The following GBX2 variants were observed in gnomAD, a reference collection of about 807,000 sequenced individuals.
GBX2 encodes gastrulation brain homeobox 2, also known as homeobox protein GBX-2.
In GBX2, 5 loss-of-function variants were observed where a neutral mutation model predicts 22.4. The observed-to-expected ratio is 0.22, with a 90% confidence interval of 0.12 to 0.47. The LOEUF is 0.47. GBX2 is among the 20% of genes least tolerant of loss of function. GBX2 has a pLI of 0.99. For synonymous variants in GBX2, 220 were observed against 230.5 expected (o/e 0.95, Z 0.41); for missense variants, 470 against 495.4 (o/e 0.95, Z 0.49).
downstream of GBX2, among the ~76,000 whole-genome samples, chr2:236,164,242 G>T (rs2060225667): frequency 6.6e-6 from 1 of 152,096 alleles, no homozygotes; most frequent in African/African-American, 2.4e-5. Flanking sequence ...AGGGCCGAGC[G>T]CCGCTGCATC....
downstream of GBX2, among the ~76,000 whole-genome samples, chr2:236,164,136 G>C (rs1489099656): frequency 6.6e-6 from 1 of 152,166 alleles, no homozygotes; most frequent in Non-Finnish European, 1.5e-5. Flanking sequence ...CTCCGCCGTG[G>C]GGAGGTGACG....
At chr2:236,164,252 C>G (rs970444048), downstream of GBX2, among the ~76,000 whole-genome samples, 1 of 152,120 alleles carries the variant, frequency 6.6e-6, no homozygotes, top group Non-Finnish European at 1.5e-5. Context: ...GCCGCTGCAT[C>G]GCAGCGGCTC....
At position 236,167,585 on chromosome 2, in the gene GBX2, C is replaced by G. The variant is rs768662937; in HGVS notation, c.387G>C (p.Pro129=). Residue 129 remains proline (P), a synonymous_variant, in exon 1 of 2, where the codon CCG becomes CCC. Transcript: ENST00000306318. ...QEAAAARKFA[P]QPLPGGGNFD... ...AGTTACCGCCGCCGGGCAGCGGCTG[C>G]GGCGCGAACTTGCGGGCCGCTGCCG... 6.1e-5 allele frequency: 97 copies of G among 1,596,396 alleles called. 1 individual carries two copies. In the South Asian group the frequency reaches 9.3e-4, roughly 15 times the overall value.
chr2:236,167,139 C>T (rs1424627985), intron 1 of GBX2: 1 of 1,535,566 alleles, frequency 6.5e-7, no homozygotes, highest in Non-Finnish European at 8.7e-7. Flanking sequence ...GCAACCTACC[C>T]GGAACCCCAG....
rs2060241690 is a variant in GBX2, at chr2:236,166,784, T to A, written c.524-347A>T. Among the ~76,000 whole-genome samples, 1 of 151,830 alleles carries A rather than the reference T, an allele frequency of 6.6e-6. No individual in the cohort carries two copies. ...GAGATTGCCCGCTTTGTCCCTGGGG[T>A]GGGGACTGGTTGAGGACTGATGGGG... On this transcript the variant is annotated intron_variant, in intron 1 of 1. Coordinates refer to ENST00000306318, the MANE Select transcript of GBX2 (RefSeq NM_001485.4). This position sits in a 1 kb window ranked among gnomAD's most constrained non-coding sequence, Gnocchi z 6.6.
rs372760556 is a variant in GBX2, at chr2:236,166,214, C to T, written c.747G>A (p.Arg249=). Residue 249 remains arginine (R), a synonymous_variant, in exon 2 of 2, where the codon CGG becomes CGA. Coordinates refer to ENST00000306318, the MANE Select transcript of GBX2 (RefSeq NM_001485.4). The surrounding 1 kb of genome is among the most constrained non-coding windows in gnomAD (Gnocchi z 6.6). Reference sequence around the variant, plus strand: ...GCTCGCTGGTGAAGGCAGTCCGCCGCCGCCGGTTCTTGCCCGTAGACGTGG... The same window carrying T: ...GCTCGCTGGTGAAGGCAGTCCGCCGTCGCCGGTTCTTGCCCGTAGACGTGG... ...GSTTSTGKNR[R]RRTAFTSEQL... is the part of the protein sequence containing the mutation. The T allele has an allele frequency of 8.1e-6, 13 of 1,613,656 alleles. No homozygotes were observed. In the African/African-American group the frequency reaches 1.6e-4, roughly 20 times the overall value.
chr2:236,166,573 T>C lies in GBX2; in HGVS notation c.524-136A>G. 3 of 754,782 alleles carry C rather than the reference T, an allele frequency of 4.0e-6. 1 individual carries two copies. The highest frequency in any genetic ancestry group is 3.5e-5 in the South Asian group (2 of 57,756). 46.8% of individuals were successfully genotyped at this position (754,782 alleles called of 1,614,324 possible). ...ATTGTCTTTCTATGACATTAACACATTGTGATTTCCTGGCCTTTGAGGGGT... is the reference window on the plus strand; with the variant it reads ...ATTGTCTTTCTATGACATTAACACACTGTGATTTCCTGGCCTTTGAGGGGT... On this transcript the variant is annotated intron_variant, in intron 1 of 1. Transcript: ENST00000306318. The surrounding 1 kb of genome is among the most constrained non-coding windows in gnomAD (Gnocchi z 6.6).
chr2:236,167,728 G>T lies in GBX2; in HGVS notation c.244C>A (p.Gln82Lys). 6.5e-7 allele frequency: 1 copy of T among 1,532,634 alleles called. No individual in the cohort carries two copies. The highest frequency in any genetic ancestry group is 1.2e-5 in the South Asian group (1 of 80,990). 94.9% of individuals were successfully genotyped at this position (1,532,634 alleles called of 1,614,324 possible). A position where few individuals can be genotyped will look rare whatever the true frequency, so the allele number is the denominator to read the frequency against. Residue 82 changes from glutamine (Q) to lysine (K), a missense_variant, in exon 1 of 2, where the codon CAG (glutamine) becomes AAG (lysine). Gln to Lys is a moderately conservative substitution (Grantham distance 53). This residue lies in a region of GBX2 where 377 missense variants were observed against 358.6 expected (regional missense o/e 1.05). Coordinates refer to ENST00000306318, the MANE Select transcript of GBX2 (RefSeq NM_001485.4). ...AAGCCTGTGGGCAGGCTGGGGATCT[G>T]GTGGTGAGGGTGTGCGGGCGGCAGC... ...PALPPAHPHH[Q>K]IPSLPTGFCS... is the part of the protein sequence containing the mutation.
At position 236,165,955 on chromosome 2, in the gene GBX2, T is replaced by C. The variant is rs2060236481; in HGVS notation, c.1006A>G (p.Ile336Val). The change falls in exon 2 of 2, where the codon ATC becomes GTC. Residue 336 changes from isoleucine to valine, a missense_variant. Transcript: ENST00000306318. Reference protein sequence around the residue: ...PIPVHVSRFAIRSQHQQLEQA... With the variant: ...PIPVHVSRFAVRSQHQQLEQA... ...TCTAGCTGCTGATGCTGACTTCTGA[T>C]AGCGAACCTGCTGACGTGGACAGGG... The C allele has an allele frequency of 1.9e-6, 3 of 1,614,000 alleles. No individual in the cohort carries two copies. The highest frequency in any genetic ancestry group is 2.5e-6 in the Non-Finnish European group (3 of 1,180,014).
chr2:236,167,423 C>A (rs748228085), intron 1 of GBX2, 26 bp downstream of exon 1: 34 of 1,482,724 alleles, frequency 2.3e-5, no homozygotes, highest in Non-Finnish European at 2.9e-5. Context: ...GCCCCCTCGT[C>A]CCGGCTGCGC....
Position 236,167,773 on chromosome 2 carries a change from G to T in GBX2, c.199C>A (p.Gln67Lys). ...PPPPPPPALP[Q>K]AALQPALPPA... ...GGCAGCGCTGGCTGCAGCGCGGCCTGGGGCAGCGCGGGCGGCGGCGGCGGC... is the reference window on the plus strand; with the variant it reads ...GGCAGCGCTGGCTGCAGCGCGGCCTTGGGCAGCGCGGGCGGCGGCGGCGGC... Residue 67 changes from glutamine (Q) to lysine (K), a missense_variant, in exon 1 of 2, where the codon CAG becomes AAG. Gln to Lys is a moderately conservative substitution (Grantham distance 53, BLOSUM62 1). This residue lies in a region of GBX2 where 377 missense variants were observed against 358.6 expected (regional missense o/e 1.05). Coordinates refer to ENST00000306318, the MANE Select transcript of GBX2 (RefSeq NM_001485.4). 7.0e-7 allele frequency: 1 copy of T among 1,422,920 alleles called. No individual in the cohort carries two copies. Among genetic ancestry groups the T allele is most frequent in the South Asian group, 1.6e-5 (1 of 61,106 alleles). The allele number at this position is 1,422,920 out of a possible 1,614,324, so 88.1% of individuals were successfully genotyped here.
downstream of GBX2, among the ~76,000 whole-genome samples, chr2:236,162,659 C>G (rs1474139910): frequency 6.6e-6 from 1 of 152,160 alleles, no homozygotes; most frequent in Admixed American, 6.5e-5. Context: ...CTGCCTGGGT[C>G]GGTGGCTGCG....
rs1230661012 is a variant in GBX2 at position 236,166,551 on chromosome 2, G to A, written c.524-114C>T. The A allele has an allele frequency of 3.2e-6, 3 of 933,750 alleles. No individual in the cohort carries two copies. The African/African-American group carries it at 4.9e-5, about 15-fold the overall frequency. 57.8% of individuals were successfully genotyped at this position (933,750 alleles called of 1,614,324 possible). A position where few individuals can be genotyped will look rare whatever the true frequency, so the allele number is the denominator to read the frequency against. On this transcript the variant is annotated intron_variant, in intron 1 of 1. Transcript: ENST00000306318. This position sits in a 1 kb window ranked among gnomAD's most constrained non-coding sequence, Gnocchi z 6.6. ...CCCGCCCCCCACCCTTTAGCGGATT[G>A]TCTTTCTATGACATTAACACATTGT...
Position 236,167,524 on chromosome 2 carries a change from C to A in GBX2, c.448G>T (p.Asp150Tyr). The change falls in exon 1 of 2, where the codon GAC becomes TAC. Residue 150 changes from aspartate to tyrosine, a missense_variant. Physicochemically the swap from Asp to Tyr is radical, Grantham distance 160. This residue lies in a region of GBX2 where 377 missense variants were observed against 358.6 expected (regional missense o/e 1.05). Coordinates refer to ENST00000306318, the MANE Select transcript of GBX2 (RefSeq NM_001485.4). ...KAEALQADAE[D>Y]GKGFLAKEGS... ...TCTTTGGCCAGGAAGCCTTTGCCGTCCTCCGCGTCAGCCTGCAGCGCCTCC... is the reference window on the plus strand; with the variant it reads ...TCTTTGGCCAGGAAGCCTTTGCCGTACTCCGCGTCAGCCTGCAGCGCCTCC... 1 of 1,597,898 alleles carries A rather than the reference C, an allele frequency of 6.3e-7. No individual in the cohort carries two copies.
In GBX2 at chr2:236,166,265, C is replaced by T. The variant is rs1457201905; in HGVS notation, c.696G>A (p.Pro232=). The T allele has an allele frequency of 6.2e-7, 1 of 1,613,656 alleles. No individual in the cohort carries two copies. Among genetic ancestry groups the T allele is most frequent in the Non-Finnish European group, 8.5e-7 (1 of 1,179,962 alleles). The part of the protein sequence containing the change: ...EDPGHALEET[P]PSSGAAGSTT... Reference sequence around the variant, plus strand: ...TGCTGCCCGCGGCGCCGCTGCTCGGCGGGGTCTCCTCCAGCGCGTGGCCCG... The same window carrying T: ...TGCTGCCCGCGGCGCCGCTGCTCGGTGGGGTCTCCTCCAGCGCGTGGCCCG... The change falls in exon 2 of 2, where the codon CCG becomes CCA. Residue 232 remains proline, a synonymous_variant. Coordinates refer to ENST00000306318, the MANE Select transcript of GBX2 (RefSeq NM_001485.4). The surrounding 1 kb of genome is among the most constrained non-coding windows in gnomAD (Gnocchi z 6.6).
downstream of GBX2, among the ~76,000 whole-genome samples, chr2:236,163,001 C>A (rs2060219829): frequency 6.6e-6 from 1 of 152,198 alleles, no homozygotes; most frequent in Non-Finnish European, 1.5e-5. Context: ...GAGGTGCTGG[C>A]CGAGCCTCGT....
Position 236,166,387 on chromosome 2 carries a change from G to T in GBX2, c.574C>A (p.Pro192Thr). 1 of 1,613,984 alleles carries T rather than the reference G, an allele frequency of 6.2e-7. No individual in the cohort carries two copies. The highest frequency in any genetic ancestry group is 8.5e-7 in the Non-Finnish European group (1 of 1,180,020). ...GKDESKVEDD[P>T]KGKEESFSLE... ...GAGAAGCTCTCCTCCTTGCCCTTCGGGTCGTCTTCCACCTTTGACTCGTCT... is the reference window on the plus strand; with the variant it reads ...GAGAAGCTCTCCTCCTTGCCCTTCGTGTCGTCTTCCACCTTTGACTCGTCT... Residue 192 changes from proline (P) to threonine (T), a missense_variant, in exon 2 of 2, where the codon CCG becomes ACG. Around this residue, in one of 4 missense-constraint regions of GBX2, gnomAD observed 377 missense variants for 358.6 expected, o/e 1.05. Coordinates refer to ENST00000306318, the MANE Select transcript of GBX2 (RefSeq NM_001485.4). The surrounding 1 kb of genome is among the most constrained non-coding windows in gnomAD (Gnocchi z 6.6).
chr2:236,162,307 G>T (rs1365746793), downstream of GBX2, among the ~76,000 whole-genome samples: 1 of 152,238 alleles, frequency 6.6e-6, no homozygotes, highest in Non-Finnish European at 1.5e-5. Context: ...AGCTGACAAG[G>T]CATCTGTGAA....
rs765706049 is a variant in GBX2, at chr2:236,167,474, C to T, written c.498G>A (p.Ala166=). 6.3e-6 allele frequency: 10 copies of T among 1,580,186 alleles called. No homozygotes were observed. In the African/African-American group the frequency reaches 9.8e-5, roughly 15 times the overall value. Residue 166 remains alanine (A), a synonymous_variant, in exon 1 of 2, where the codon GCG becomes GCA. Transcript: ENST00000306318. ...AKEGSLLAFS[A]AETVQASLVG... ...CGAGCGAAGCCTGCACCGTCTCGGC[C>T]GCGGAGAAGGCGAGCAGCGAGCCCT...
Sources: gnomAD v4.1 joint callset for allele counts (sites outside exome capture counted in the v4.1 genomes callset) on GRCh38, gnomAD v4.1.1 for gene constraint, gnomAD v4.1.1 regional missense constraint, Gnocchi (gnomAD v3.1) non-coding constraint, MANE v1.5 for transcripts, NCBI Gene and HGNC (gene_info 2026-07-23, HGNC 2026-07-21) for gene names.